The following TMEM161A variants were observed in gnomAD, a reference collection of about 807,000 sequenced individuals.
The protein encoded by TMEM161A is adaptive response to oxidative stress protein 29.
A neutral mutation model predicts 57.1 loss-of-function variants in TMEM161A; 46 were observed. That is an observed-to-expected ratio of 0.81 (90% CI 0.64 to 1.03). TMEM161A has a LOEUF of 1.03. TMEM161A is among the 50% of genes least tolerant of loss of function. TMEM161A has a pLI of 0.00. For missense variants in TMEM161A, 601 were observed against 621.5 expected (o/e 0.97, Z 0.35); for synonymous variants, 288 against 279.0 (o/e 1.03, Z -0.32).
In TMEM161A at chr19:19,132,731, T is replaced by C; in HGVS notation, c.212A>G (p.Glu71Gly). The C allele has an allele frequency of 6.4e-7, 1 of 1,568,970 alleles. No homozygotes were observed. The change falls in exon 4 of 12, where the codon GAG becomes GGG. Residue 71 changes from glutamate to glycine, a missense_variant. Physicochemically the swap from Glu to Gly is moderately conservative, Grantham distance 98. Transcript: ENST00000162044. The surrounding 1 kb of genome is among the most constrained non-coding windows in gnomAD (Gnocchi z 4.3). The part of the protein sequence containing the change: ...KERWANGLSE[E>G]KPLSVPRDAP... ...ATCTCGGGGCACAGACAGTGGCTTC[T>C]CCTCACTAAGGCCATTGGCCCACCT... is the stretch of plus-strand genomic sequence containing the variant.
chr19:19,135,482 G>A (rs143735357), intron 1 of TMEM161A, among the ~76,000 whole-genome samples: 14 of 152,250 alleles, frequency 9.2e-5, no homozygotes, highest in African/African-American at 3.4e-4. Context: ...TTGAAAGGGC[G>A]TCTATGCTCC....
In TMEM161A at chr19:19,130,298, G is replaced by A. The variant is rs748973341; in HGVS notation, c.453C>T (p.Phe151=). The A allele has an allele frequency of 1.9e-5, 30 of 1,613,140 alleles. No homozygotes were observed. The highest frequency in any genetic ancestry group is 2.5e-5 in the Non-Finnish European group (30 of 1,180,018). The change falls in exon 6 of 12, where the codon TTC becomes TTT. Residue 151 remains phenylalanine (F), a synonymous_variant. Transcript: ENST00000162044. ...LLTVTFSIKM[F]LTVTRLYFSA... ...TGAAGTACAGCCGTGTCACTGTCAG[G>A]AACATCTTGCTGGAGGCTGGAGCTA...
At chr19:19,120,225 G>A (rs1208374278) in intron 11 of TMEM161A, 42 bp from the exon 12 acceptor site, 2 of 1,488,490 alleles carry the variant, frequency 1.3e-6, no homozygotes, top group Non-Finnish European at 1.8e-6. Context: ...GGAAAAATGG[G>A]GGAGGGGGCG....
At chr19:19,128,270 C>T (rs1274695568) in intron 6 of TMEM161A, among the ~76,000 whole-genome samples, 4 of 136,224 alleles carry the variant, frequency 2.9e-5, no homozygotes, top group Admixed American at 2.5e-4. Context: ...CTTGCTCTGT[C>T]GCCCAGGCTG....
intron 2 of TMEM161A, among the ~76,000 whole-genome samples, chr19:19,134,350 C>A (rs895154675): frequency 5.9e-5 from 9 of 151,992 alleles, no homozygotes; most frequent in Non-Finnish European, 1.0e-4. Context: ...GCCTGTAATC[C>A]CAGCACTTTG....
In TMEM161A at chr19:19,121,051, G is replaced by A. The variant is rs906645800; in HGVS notation, c.1030C>T (p.Arg344Trp). The change falls in exon 10 of 12, where the codon CGG becomes TGG. Residue 344 changes from arginine to tryptophan, a missense_variant. By Grantham distance (101) the Arg-to-Trp change is moderately radical (BLOSUM62 -3). Coordinates refer to ENST00000162044, the MANE Select transcript of TMEM161A (RefSeq NM_017814.3). The surrounding 1 kb of genome is among the most constrained non-coding windows in gnomAD (Gnocchi z 5.8). ...GCCTCCCTTCGCAGCTGCTCCACCCGGGCCTTGGCCAGGCACAGGTAGGCC... is the reference window on the plus strand; with the variant it reads ...GCCTCCCTTCGCAGCTGCTCCACCCAGGCCTTGGCCAGGCACAGGTAGGCC... Reference protein sequence around the residue: ...LQAYLCLAKARVEQLRREAGR... With the variant: ...LQAYLCLAKAWVEQLRREAGR... 6 of 1,611,724 alleles carry A rather than the reference G, an allele frequency of 3.7e-6. No homozygotes were observed. The highest frequency in any genetic ancestry group is 2.7e-5 in the African/African-American group (2 of 74,906).
At position 19,133,115 on chromosome 19, in the gene TMEM161A, G is replaced by A. The variant is rs578044301; in HGVS notation, c.188+15C>T. 84 of 1,612,326 alleles carry A rather than the reference G, an allele frequency of 5.2e-5. No homozygotes were observed. The highest frequency in any genetic ancestry group is 3.3e-4 in the Middle Eastern group (2 of 6,028). On this transcript the variant is annotated intron_variant, in intron 3 of 11. Coordinates refer to ENST00000162044, the MANE Select transcript of TMEM161A (RefSeq NM_017814.3). ...CCACCCTCCCAAGGCTGGGGCTGGG[G>A]CCCAGGTCACTCACCGCTCTTTCCT...
chr19:19,120,561 A>C, intron 11 of TMEM161A, among the ~76,000 whole-genome samples: 1 of 131,170 alleles, frequency 7.6e-6, no homozygotes, highest in Non-Finnish European at 1.6e-5. Flanking sequence ...CTCAGATTGC[A>C]CCCATCCCCA....
intron 6 of TMEM161A, among the ~76,000 whole-genome samples, chr19:19,123,059 T>C (rs1462941149): frequency 2.6e-5 from 4 of 152,176 alleles, no homozygotes; most frequent in Non-Finnish European, 5.9e-5. Context: ...TAATAGGTTG[T>C]TAAACAGCAC....
chr19:19,136,016 CTT>C (rs977038450), intron 1 of TMEM161A, among the ~76,000 whole-genome samples: 15 of 142,294 alleles, frequency 1.1e-4, no homozygotes, highest in Admixed American at 1.4e-4. Flanking sequence ...CCAGCTAAGG[CTT>C]TTTTTTTTTT....
Position 19,119,875 on chromosome 19 carries a change from A to G in TMEM161A, c.*55T>C, listed in dbSNP as rs1448910550. ...GGGGCGCAAACAGAGGGGGCAGGCTAGTGTCCCGCTGCCCCAGGAACAGAC... is the reference window on the plus strand; with the variant it reads ...GGGGCGCAAACAGAGGGGGCAGGCTGGTGTCCCGCTGCCCCAGGAACAGAC... On this transcript the variant is annotated 3_prime_UTR_variant, in exon 12 of 12. Transcript: ENST00000162044. The G allele has an allele frequency of 5.9e-6, 9 of 1,529,908 alleles. No individual in the cohort carries two copies. The highest frequency in any genetic ancestry group is 1.4e-5 in the African/African-American group (1 of 72,614). 94.8% of individuals were successfully genotyped at this position (1,529,908 alleles called of 1,614,324 possible).
In TMEM161A at chr19:19,120,788, C is replaced by T. The variant is rs777694365; in HGVS notation, c.1163G>A (p.Cys388Tyr). The T allele has an allele frequency of 1.9e-6, 3 of 1,613,320 alleles. No homozygotes were observed. The highest frequency in any genetic ancestry group is 4.5e-5 in the East Asian group (2 of 44,892). ...YLTPLILTLN[C>Y]TLLLKTLGGY... is the part of the protein sequence containing the mutation. ...ACCCAGCGTCTTGAGCAGAAGTGTG[C>T]AGTTGAGGGTGAGGATGAGCGGCGT... The change falls in exon 11 of 12, where the codon TGC becomes TAC. Residue 388 changes from cysteine to tyrosine, a missense_variant. Coordinates refer to ENST00000162044, the MANE Select transcript of TMEM161A (RefSeq NM_017814.3).
Position 19,121,840 on chromosome 19 carries a change from AC to A in TMEM161A, c.596-22del. 6.2e-7 allele frequency: 1 copy of A among 1,613,162 alleles called. No homozygotes were observed. Among genetic ancestry groups the A allele is most frequent in the Non-Finnish European group, 8.5e-7 (1 of 1,179,868 alleles). On this transcript the variant is annotated intron_variant, in intron 6 of 11. Transcript: ENST00000162044. This position sits in a 1 kb window ranked among gnomAD's most constrained non-coding sequence, Gnocchi z 5.8. ...CAGACCTGGGGACGATAAGAAGAGG[AC>A]CGAGTAGAGTGAATTCCTAGGGTCT...
At chr19:19,120,912 A>T in intron 10 of TMEM161A, 51 bp from the exon 11 acceptor site, 1 of 1,611,890 alleles carries the variant, frequency 6.2e-7, no homozygotes, top group South Asian at 1.1e-5. Context: ...CTGGTTTGGG[A>T]CGACTCCACG....
At chr19:19,130,753 A>G (rs2059954673) in intron 5 of TMEM161A, among the ~76,000 whole-genome samples, 1 of 149,436 alleles carries the variant, frequency 6.7e-6, no homozygotes, top group African/African-American at 2.5e-5. Context: ...CCTGGGTAAC[A>G]TAGTGAGACC....
rs1599700745 is a variant in TMEM161A at position 19,119,532 on chromosome 19, A to C, written c.*398T>G. 4.6e-6 allele frequency: 1 copy of C among 216,546 alleles called. No individual in the cohort carries two copies. The highest frequency in any genetic ancestry group is 7.9e-5 in the South Asian group (1 of 12,714). 13.4% of individuals were successfully genotyped at this position (216,546 alleles called of 1,614,324 possible). A position where few individuals can be genotyped will look rare whatever the true frequency, so the allele number is the denominator to read the frequency against. On this transcript the variant is annotated 3_prime_UTR_variant, in exon 12 of 12. Transcript: ENST00000162044. ...CCTCTCTCCCTCCCGCGCAGCCCCC[A>C]CCCTGCACCCGGGCAGGTGCCACAG...
At chr19:19,120,235 G>A (rs1428230379) in intron 11 of TMEM161A, 52 bp from the exon 12 acceptor site, 6 of 1,466,802 alleles carry the variant, frequency 4.1e-6, no homozygotes, top group Non-Finnish European at 4.5e-6. Flanking sequence ...GGGAGGGGGC[G>A]AGGGACAGGG....
chr19:19,124,980 A>T (rs1321294188), intron 6 of TMEM161A, among the ~76,000 whole-genome samples: 1 of 152,100 alleles, frequency 6.6e-6, no homozygotes, highest in African/African-American at 2.4e-5. Flanking sequence ...AACAAAAAAA[A>T]ACTTAGGTGA....
In TMEM161A at chr19:19,130,202, C is replaced by T. The variant is rs569853376; in HGVS notation, c.549G>A (p.Leu183=). The T allele has an allele frequency of 1.1e-5, 17 of 1,613,946 alleles. No individual in the cohort carries two copies. The East Asian group carries it at 2.5e-4, about 23-fold the overall frequency. Residue 183 remains leucine (L), a synonymous_variant, in exon 6 of 12, where the codon CTG becomes CTA. Transcript: ENST00000162044. ...FAFLFLLLAM[L]VQVVREETLE... ...GGGTCTCCTCCCGCACCACTTGCAC[C>T]AGCATGGCCAGCAGCAGGAAGAGGA...
Sources: allele counts gnomAD v4.1 joint callset (sites outside exome capture counted in the v4.1 genomes callset), GRCh38; gene constraint gnomAD v4.1.1; non-coding constraint Gnocchi (gnomAD v3.1); transcripts MANE v1.5; gene names NCBI Gene and HGNC (gene_info 2026-07-23, HGNC 2026-07-21).